Variants in CNTNAP5 observed in about 807,000 individuals in gnomAD.
CNTNAP5 encodes the protein contactin associated protein family member 5.
A neutral mutation model predicts 150.2 loss-of-function variants in CNTNAP5; 72 were observed. The ratio of observed to expected loss-of-function variants is 0.48; its 90% CI spans 0.40 to 0.58. CNTNAP5 has a LOEUF of 0.58. CNTNAP5 is among the 20% of genes least tolerant of loss of function. The pLI, the probability that CNTNAP5 is intolerant of heterozygous loss-of-function variation, is 0.00. For missense variants in CNTNAP5, 1,636 were observed against 1,626.2 expected, an observed-to-expected ratio of 1.01 and a Z score of -0.10; for synonymous variants, 672 against 619.8, an observed-to-expected ratio of 1.08 and a Z score of -1.25.
At chr2:124,858,838 A>G (rs1251299049) in intron 19 of CNTNAP5, among the ~76,000 whole-genome samples, 5 of 151,910 alleles carry the variant, frequency 3.3e-5, no homozygotes, top group Admixed American at 3.3e-4. Flanking sequence ...AAGAAATAAT[A>G]AAAACTGGCT....
At chr2:124,714,409 T>G (rs1038951394) in intron 13 of CNTNAP5, among the ~76,000 whole-genome samples, 7 of 152,164 alleles carry the variant, frequency 4.6e-5, no homozygotes, top group African/African-American at 1.7e-4. Flanking sequence ...TACAACCTCT[T>G]AATTTATGAT....
At chr2:124,079,716 C>G (rs573375591) in intron 1 of CNTNAP5, among the ~76,000 whole-genome samples, 1 of 151,994 alleles carries the variant, frequency 6.6e-6, no homozygotes, top group South Asian at 2.1e-4. Flanking sequence ...TATGAGCATG[C>G]GTGTGTATGT....
At chr2:124,181,395 A>C (rs1004538958) in intron 1 of CNTNAP5, among the ~76,000 whole-genome samples, 1 of 152,124 alleles carries the variant, frequency 6.6e-6, no homozygotes, top group African/African-American at 2.4e-5. Context: ...ATTAAGCATC[A>C]TAAAGATATT....
intron 1 of CNTNAP5, among the ~76,000 whole-genome samples, chr2:124,100,103 G>C (rs1349922085): frequency 7.2e-6 from 1 of 138,346 alleles, no homozygotes; most frequent in African/African-American, 2.5e-5. Flanking sequence ...CTGCTTTTGG[G>C]GAGGCCTCAG....
Position 124,909,826 on chromosome 2 carries a change from C to CATATATATATATATATATAT in CNTNAP5, c.3656-1628_3656-1609dup, listed in dbSNP as rs368913883. Among the ~76,000 whole-genome samples, 147 of 74,606 alleles carry CATATATATATATATATATAT rather than the reference C, an allele frequency of 2.0e-3. 2 individuals are homozygous for CATATATATATATATATATAT. Among genetic ancestry groups the CATATATATATATATATATAT allele is most frequent in the Non-Finnish European group, 2.6e-3 (103 of 40,324 alleles). The allele number at this position is 74,606 out of a possible 152,430, so 48.9% of individuals were successfully genotyped here. ...TCACCCCATCGTTATCAATTGGTGA[C>CATATATATATATATATATAT]ATATATATATATATATATATATATA... On this transcript the variant is annotated intron_variant, in intron 22 of 23. Coordinates refer to ENST00000682447, the MANE Select transcript of CNTNAP5 (RefSeq NM_001367498.1).
At chr2:124,893,148 G>A (rs543309916) in intron 21 of CNTNAP5, among the ~76,000 whole-genome samples, 2 of 152,186 alleles carry the variant, frequency 1.3e-5, no homozygotes, top group South Asian at 4.1e-4. Flanking sequence ...CTACAGGCTG[G>A]GACTGGGTTC....
intron 19 of CNTNAP5, among the ~76,000 whole-genome samples, chr2:124,863,019 C>T (rs1231605186): frequency 6.6e-6 from 1 of 152,060 alleles, no homozygotes; most frequent in African/African-American, 2.4e-5. Context: ...GCTGAGATTA[C>T]TAGGTCCTAA....
chr2:124,753,491 C>T (rs969519612), intron 14 of CNTNAP5, among the ~76,000 whole-genome samples: 1 of 152,194 alleles, frequency 6.6e-6, no homozygotes, highest in African/African-American at 2.4e-5. Context: ...CACAATCTCA[C>T]AATAAATGCT....
intron 3 of CNTNAP5, among the ~76,000 whole-genome samples, chr2:124,374,436 G>A (rs780058): frequency 0.86 from 131,200 of 152,034 alleles, 56,746 homozygotes; most frequent in South Asian, 0.92. Flanking sequence ...TCCTGGTCCT[G>A]CTCTCTAGAC....
intron 19 of CNTNAP5, among the ~76,000 whole-genome samples, chr2:124,817,114 A>T (rs1413153069): frequency 6.6e-6 from 1 of 152,234 alleles, no homozygotes; most frequent in African/African-American, 2.4e-5. Flanking sequence ...AACACTAAAC[A>T]AAATTGATAA....
At chr2:124,602,069 G>C (rs1487308713) in intron 11 of CNTNAP5, among the ~76,000 whole-genome samples, 1 of 152,090 alleles carries the variant, frequency 6.6e-6, no homozygotes, top group Non-Finnish European at 1.5e-5. Flanking sequence ...AATCGGCCAG[G>C]CGCGGTGGCT....
chr2:124,875,154 T>C (rs2104731508), intron 21 of CNTNAP5, among the ~76,000 whole-genome samples: 1 of 152,182 alleles, frequency 6.6e-6, no homozygotes, highest in East Asian at 1.9e-4. Flanking sequence ...CTACTGTGTC[T>C]TGTCCAACAT....
Position 124,647,767 on chromosome 2 carries a change from T to C in CNTNAP5, c.1886T>C (p.Ile629Thr), listed in dbSNP as rs767095619. Reference protein sequence around the residue: ...QVYCNITEDKIWTSVQHNNTE... With the variant: ...QVYCNITEDKTWTSVQHNNTE... ...TGTGTTGTCTGGGCAGAGGACAAGA[T>C]CTGGACATCAGTGCAGCACAACAAT... Residue 629 changes from isoleucine to threonine, a missense_variant, in exon 13 of 24, where the codon ATC becomes ACC. Physicochemically the swap from Ile to Thr is moderately conservative, Grantham distance 89. Transcript: ENST00000682447. 2.6e-5 allele frequency: 42 copies of C among 1,595,710 alleles called. No individual in the cohort carries two copies. Among genetic ancestry groups the C allele is most frequent in the Admixed American group, 6.8e-5 (4 of 59,010 alleles).
At position 124,745,634 on chromosome 2, in the gene CNTNAP5, A is replaced by G. The variant is rs542208986; in HGVS notation, c.2078-1595A>G. On this transcript the variant is annotated intron_variant, in intron 13 of 23. Coordinates refer to ENST00000682447, the MANE Select transcript of CNTNAP5 (RefSeq NM_001367498.1). ...TTGAAACTAAAGAAAATGAATTCAT[A>G]TTGTTTATAACTATTCTTTAAAAGA... 1.6e-4 allele frequency among the ~76,000 whole-genome samples: 25 copies of G among 152,308 alleles called. No homozygotes were observed. In the South Asian group the frequency reaches 5.2e-3, roughly 32 times the overall value.
At chr2:124,830,380 G>A (rs1182032000) in intron 19 of CNTNAP5, among the ~76,000 whole-genome samples, 2 of 152,008 alleles carry the variant, frequency 1.3e-5, no homozygotes, top group African/African-American at 4.8e-5. Flanking sequence ...TCTTAATAGA[G>A]TGTAAAATCT....
intron 3 of CNTNAP5, among the ~76,000 whole-genome samples, chr2:124,252,902 T>C (rs1044744803): frequency 2.0e-5 from 3 of 152,088 alleles, no homozygotes; most frequent in African/African-American, 7.2e-5. Flanking sequence ...AATGTAAATG[T>C]AAAGATGTGA....
At chr2:124,624,619 A>G (rs533515743) in intron 12 of CNTNAP5, among the ~76,000 whole-genome samples, 1 of 152,238 alleles carries the variant, frequency 6.6e-6, no homozygotes, top group Non-Finnish European at 1.5e-5. Flanking sequence ...ACTTGACATC[A>G]AGTTTACAAA....
chr2:124,313,751 C>T (rs1426400627), intron 3 of CNTNAP5, among the ~76,000 whole-genome samples: 1 of 152,120 alleles, frequency 6.6e-6, no homozygotes, highest in African/African-American at 2.4e-5. Context: ...GCAGGCCAGC[C>T]CATGGAGAGT....
intron 19 of CNTNAP5, among the ~76,000 whole-genome samples, chr2:124,855,743 G>A (rs1393787851): frequency 6.6e-6 from 1 of 151,798 alleles, no homozygotes; most frequent in Non-Finnish European, 1.5e-5. Context: ...GGTTTTTGGG[G>A]AACAGTTGGT....
Sources: gnomAD v4.1 joint callset for allele counts (sites outside exome capture counted in the v4.1 genomes callset) on GRCh38, gnomAD v4.1.1 for gene constraint, MANE v1.5 for transcripts, NCBI Gene and HGNC (gene_info 2026-07-23, HGNC 2026-07-21) for gene names.